The following ANKRD44 variants were observed in gnomAD, a reference collection of about 807,000 sequenced individuals.
ANKRD44 encodes the protein ankyrin repeat domain 44.
ANKRD44 carries 35 observed loss-of-function variants against 116.0 expected under a neutral mutation model. That is an observed-to-expected ratio of 0.30 (90% confidence interval 0.23 to 0.40). The LOEUF is 0.40. ANKRD44 is among the 10% of genes least tolerant of loss of function. The pLI, the probability that ANKRD44 is intolerant of heterozygous loss-of-function variation, is 1.00. For missense variants in ANKRD44, 1,014 were observed against 1,242.6 expected (o/e 0.82, Z 2.77); for synonymous variants, 435 against 461.8 (o/e 0.94, Z 0.74).
intron 1 of ANKRD44, among the ~76,000 whole-genome samples, chr2:197,222,357 G>T (rs1260418747): frequency 6.6e-6 from 1 of 152,212 alleles, no homozygotes; most frequent in Non-Finnish European, 1.5e-5. Flanking sequence ...ACCAAGAATA[G>T]TGTGTAATGG....
intron 1 of ANKRD44, among the ~76,000 whole-genome samples, chr2:197,274,449 G>T (rs1327385556): frequency 6.6e-6 from 1 of 152,128 alleles, no homozygotes; most frequent in African/African-American, 2.4e-5. Flanking sequence ...TGCCCCTGCT[G>T]CAGAGAGCCA....
intron 21 of ANKRD44, among the ~76,000 whole-genome samples, chr2:196,975,212 G>T (rs947915489): frequency 6.6e-6 from 1 of 152,282 alleles, no homozygotes; most frequent in Admixed American, 6.5e-5. Flanking sequence ...GATCATCTGT[G>T]TGAATAGACA....
At chr2:197,161,656 T>A (rs986323157) in intron 2 of ANKRD44, among the ~76,000 whole-genome samples, 14 of 152,254 alleles carry the variant, frequency 9.2e-5, no homozygotes, top group African/African-American at 3.4e-4. Flanking sequence ...CTATCTTTTC[T>A]CTGTTGTGTT....
At chr2:197,070,247 A>G (rs950224941) in intron 16 of ANKRD44, among the ~76,000 whole-genome samples, 6 of 152,034 alleles carry the variant, frequency 3.9e-5, no homozygotes, top group African/African-American at 1.4e-4. Flanking sequence ...TTTCTTCCCT[A>G]ATTGTTCTGG....
At position 197,111,470 on chromosome 2, in the gene ANKRD44, C is replaced by A. The variant is rs539432310; in HGVS notation, c.907-626G>T. 7.9e-5 allele frequency among the ~76,000 whole-genome samples: 12 copies of A among 152,212 alleles called. No individual in the cohort carries two copies. In the South Asian group the frequency reaches 2.3e-3, roughly 29 times the overall value. On this transcript the variant is annotated intron_variant, in intron 8 of 27. Coordinates refer to ENST00000282272, the MANE Select transcript of ANKRD44 (RefSeq NM_001195144.2). The stretch of plus-strand genomic sequence containing the variant: ...CCCGGCCAACATGGTGAAACCCCAT[C>A]TCTACCAAAAATACAAAAATTAGCC...
intron 27 of ANKRD44, chr2:196,990,066 T>C (rs1197072844): frequency 9.9e-7 from 1 of 1,009,054 alleles, no homozygotes; most frequent in Non-Finnish European, 1.2e-6. Context: ...GTTCAATTTT[T>C]CAATTCATCT....
chr2:197,101,852 C>T (rs1450073062), intron 9 of ANKRD44, among the ~76,000 whole-genome samples: 2 of 152,068 alleles, frequency 1.3e-5, no homozygotes, highest in African/African-American at 4.8e-5. Context: ...AAGTTAGGTT[C>T]ATTTGATTCT....
At chr2:197,310,537 C>A (rs778679860) in intron 1 of ANKRD44, 41 bp downstream of exon 1, 4 of 1,072,628 alleles carry the variant, frequency 3.7e-6, no homozygotes, top group South Asian at 6.2e-5. Flanking sequence ...CGCGCCGCCC[C>A]GCGCCCGCGC....
At chr2:197,246,447 G>C (rs928253683) in intron 1 of ANKRD44, among the ~76,000 whole-genome samples, 8 of 134,738 alleles carry the variant, frequency 5.9e-5, no homozygotes, top group African/African-American at 8.3e-5. Flanking sequence ...TCCTGCCTCA[G>C]CCTCCCAAAG....
At chr2:197,011,133 T>G (rs939204210) in intron 18 of ANKRD44, among the ~76,000 whole-genome samples, 2 of 152,176 alleles carry the variant, frequency 1.3e-5, no homozygotes, top group Non-Finnish European at 2.9e-5. Context: ...TCTGCTACCA[T>G]TGGTGAAGTA....
At chr2:197,171,020 T>C (rs1310190600) in intron 2 of ANKRD44, among the ~76,000 whole-genome samples, 1 of 152,208 alleles carries the variant, frequency 6.6e-6, no homozygotes, top group Admixed American at 6.5e-5. Flanking sequence ...AAAATATTCA[T>C]GCCAAGCATC....
At chr2:197,072,178 T>G (rs961697157) in intron 16 of ANKRD44, among the ~76,000 whole-genome samples, 1 of 152,198 alleles carries the variant, frequency 6.6e-6, no homozygotes, top group African/African-American at 2.4e-5. Context: ...GGTTGACTTG[T>G]AAACTGCCTT....
intron 2 of ANKRD44, among the ~76,000 whole-genome samples, chr2:197,175,381 A>C (rs988695734): frequency 6.6e-6 from 1 of 152,184 alleles, no homozygotes; most frequent in African/African-American, 2.4e-5. Context: ...CAGAAGATGA[A>C]GAGTCAATCC....
At chr2:197,129,457 G>A (rs969466134) in intron 4 of ANKRD44, among the ~76,000 whole-genome samples, 4 of 152,092 alleles carry the variant, frequency 2.6e-5, no homozygotes, top group Admixed American at 2.0e-4. Flanking sequence ...CTTAATGAAC[G>A]AACACCTGTG....
chr2:197,054,853 A>G (rs1219603571), intron 16 of ANKRD44, among the ~76,000 whole-genome samples: 1 of 152,208 alleles, frequency 6.6e-6, no homozygotes, highest in Non-Finnish European at 1.5e-5. Context: ...GCCATAGAAT[A>G]TGGGAGAGAT....
rs755158208 is a variant in ANKRD44, at chr2:197,007,954, AAGG to A, written c.2013-34_2013-32del. 22 of 1,496,858 alleles carry A rather than the reference AAGG, an allele frequency of 1.5e-5. 1 individual carries two copies. The South Asian group carries it at 2.5e-4, about 17-fold the overall frequency. The allele number at this position is 1,496,858 out of a possible 1,614,324, so 92.7% of individuals were successfully genotyped here. Reference sequence around the variant, plus strand: ...CAGAGAGATAAAGCAGGCTTTTAAAAAGGAGATTTAAAAAAATATTCATCACTA... The same window carrying A: ...CAGAGAGATAAAGCAGGCTTTTAAAAAGATTTAAAAAAATATTCATCACTA... On this transcript the variant is annotated intron_variant, in intron 19 of 27. Transcript: ENST00000282272.
rs909963691 is a variant in ANKRD44 at position 197,156,637 on chromosome 2, C to A, written c.112-9532G>T. Among the ~76,000 whole-genome samples the A allele has an allele frequency of 2.0e-5, 3 of 152,224 alleles. No homozygotes were observed. In the South Asian group the frequency reaches 6.2e-4, roughly 32 times the overall value. On this transcript the variant is annotated intron_variant, in intron 2 of 27. Transcript: ENST00000282272. ...AAAGAAATGAAAGCATATGTCCATA[C>A]AGAGACTTGCACATGAGTATTCCTA...
chr2:197,153,526 G>A (rs565156814), intron 2 of ANKRD44, among the ~76,000 whole-genome samples: 1 of 152,126 alleles, frequency 6.6e-6, no homozygotes, highest in African/African-American at 2.4e-5. Context: ...TGGGAAGAAT[G>A]CTTGGCCTTA....
chr2:197,192,029 C>T (rs1313277311), intron 1 of ANKRD44, among the ~76,000 whole-genome samples: 1 of 152,140 alleles, frequency 6.6e-6, no homozygotes, highest in Non-Finnish European at 1.5e-5. Flanking sequence ...ATGGGTTCTA[C>T]AAAGAGAGCC....
Sources: allele counts gnomAD v4.1 joint callset (sites outside exome capture counted in the v4.1 genomes callset), GRCh38; gene constraint gnomAD v4.1.1; transcripts MANE v1.5; gene names NCBI Gene and HGNC (gene_info 2026-07-23, HGNC 2026-07-21).